PKD2L1: variants seen among roughly 807,000 people sequenced by gnomAD.
PKD2L1 encodes the protein polycystin 2 like 1, transient receptor potential cation channel, also known as polycystin-2-like protein 1.
PKD2L1 carries 77 observed loss-of-function variants against 93.0 expected under a neutral mutation model. That is an observed-to-expected ratio of 0.83 (90% CI 0.69 to 1.00). PKD2L1 has a LOEUF of 1.00. PKD2L1 is among the 50% of genes least tolerant of loss of function. PKD2L1 has a pLI of 0.00. For synonymous variants in PKD2L1, 390 were observed against 388.0 expected, an observed-to-expected ratio of 1.01 and a Z score of -0.06; for missense variants, 977 against 990.9, an observed-to-expected ratio of 0.99 and a Z score of 0.19.
chr10:100,316,274 G>A (rs1473831837), intron 2 of PKD2L1, among the ~76,000 whole-genome samples: 1 of 152,236 alleles, frequency 6.6e-6, no homozygotes, highest in Non-Finnish European at 1.5e-5. Context: ...CCAGGTTCAA[G>A]CAATTCTCCT....
At chr10:100,290,620 A>T in intron 12 of PKD2L1, 101 bp from the exon 13 acceptor site, 1 of 735,080 alleles carries the variant, frequency 1.4e-6, no homozygotes, top group Non-Finnish European at 2.3e-6. Flanking sequence ...ACCAAGGCTC[A>T]GGTCCTAGTT....
intron 2 of PKD2L1, among the ~76,000 whole-genome samples, chr10:100,300,622 T>C (rs7084075): frequency 0.59 from 89,152 of 152,022 alleles, 26,587 homozygotes; most frequent in African/African-American, 0.69. Context: ...GGGAGGGATA[T>C]CATAGAAGTG....
chr10:100,292,005 C>G (rs1271330505), intron 11 of PKD2L1, among the ~76,000 whole-genome samples: 2 of 151,852 alleles, frequency 1.3e-5, no homozygotes, highest in Non-Finnish European at 2.9e-5. Flanking sequence ...GTGCTTTCAT[C>G]TCTTCTTGGA....
In PKD2L1 at chr10:100,290,416, C is replaced by T. The variant is rs866152201; in HGVS notation, c.2111G>A (p.Gly704Glu). 8.1e-6 allele frequency: 13 copies of T among 1,611,640 alleles called. No individual in the cohort carries two copies. The highest frequency in any genetic ancestry group is 2.7e-5 in the African/African-American group (2 of 74,900). Residue 704 changes from glycine (G) to glutamate (E), a missense_variant, in exon 13 of 16, where the codon GGA becomes GAA. By Grantham distance (98) the Gly-to-Glu change is moderately conservative. Transcript: ENST00000318222. ...CTGCACGTACATGTAGAATTCTTCT[C>T]CTGAAACCCAGCCTCCTGCTCTGGC... is the stretch of plus-strand genomic sequence containing the variant. ...EAARAGGWVS[G>E]EEFYMLTRRV...
Position 100,296,135 on chromosome 10 carries a change from A to G in PKD2L1, c.1343T>C (p.Phe448Ser), listed in dbSNP as rs1211217227. The change falls in exon 7 of 16, where the codon TTC becomes TCC. Residue 448 changes from phenylalanine (F) to serine (S), a missense_variant. Transcript: ENST00000318222. ...YNNMNAVNLF[F>S]AWIKIFKYIS... ...AATCCCAGGTACCTTGATCCAGGCG[A>G]AGAAGAGGTTGACAGCATTCATGTT... The G allele has an allele frequency of 1.2e-6, 2 of 1,609,756 alleles. No individual in the cohort carries two copies. The highest frequency in any genetic ancestry group is 1.7e-6 in the Non-Finnish European group (2 of 1,178,196).
At chr10:100,290,188 G>A in intron 13 of PKD2L1, 50 bp from the exon 14 acceptor site, 2 of 1,609,502 alleles carry the variant, frequency 1.2e-6, no homozygotes, top group South Asian at 2.2e-5. Flanking sequence ...GTGTCTGGGG[G>A]CTGGATGTCT....
At chr10:100,325,988 C>T (rs1849371027) in intron 2 of PKD2L1, among the ~76,000 whole-genome samples, 1 of 152,156 alleles carries the variant, frequency 6.6e-6, no homozygotes, top group Non-Finnish European at 1.5e-5. Context: ...TTCAGAGCCT[C>T]ACTGCTTAAC....
intron 2 of PKD2L1, among the ~76,000 whole-genome samples, chr10:100,306,855 C>CAAAAAAAAAAAAA (rs61413476): frequency 0.026 from 1,289 of 49,690 alleles, 143 homozygotes; most frequent in Non-Finnish European, 0.031. Flanking sequence ...GAGACCCTGT[C>CAAAAAAAAAAAAA]AAAAAAAAAA....
chr10:100,293,801 C>A (rs1589660884), intron 9 of PKD2L1, among the ~76,000 whole-genome samples: 1 of 152,092 alleles, frequency 6.6e-6, no homozygotes, highest in Admixed American at 6.6e-5. Flanking sequence ...AATTGCTGGC[C>A]TTGTTAGTAA....
At chr10:100,316,963 C>T (rs1360252949) in intron 2 of PKD2L1, among the ~76,000 whole-genome samples, 1 of 152,128 alleles carries the variant, frequency 6.6e-6, no homozygotes, top group Admixed American at 6.5e-5. Flanking sequence ...TGGCACCTGC[C>T]TGTAGTCCCA....
chr10:100,298,940 T>TATC (rs1848616202), intron 3 of PKD2L1, 125 bp from the exon 4 acceptor site: 2 of 384,364 alleles, frequency 5.2e-6, no homozygotes, highest in Non-Finnish European at 7.6e-6. Flanking sequence ...AAATTATTGT[T>TATC]ATTATTATTA....
intron 2 of PKD2L1, among the ~76,000 whole-genome samples, chr10:100,312,159 C>T (rs1831089137): frequency 1.3e-5 from 2 of 152,192 alleles, no homozygotes; most frequent in South Asian, 4.1e-4. Context: ...GTTAGATCCT[C>T]AGGGTATACA....
chr10:100,304,734 G>A (rs1848759697), intron 2 of PKD2L1, among the ~76,000 whole-genome samples: 1 of 152,156 alleles, frequency 6.6e-6, no homozygotes, highest in Non-Finnish European at 1.5e-5. Flanking sequence ...GACCTCCGCT[G>A]TTAGCCTCCC....
At chr10:100,296,077 A>T (rs768433017) in intron 7 of PKD2L1, 45 bp downstream of exon 7, 1 of 1,487,714 alleles carries the variant, frequency 6.7e-7, no homozygotes, top group South Asian at 1.3e-5. Flanking sequence ...AGAAGGGAGA[A>T]TGAGTGCGCC....
chr10:100,294,791 G>GCA, intron 8 of PKD2L1, 136 bp from the exon 9 acceptor site: 1 of 1,372,332 alleles, frequency 7.3e-7, no homozygotes, highest in Non-Finnish European at 1.0e-6. Context: ...GATTATTTAA[G>GCA]CACACACACC....
At chr10:100,322,290 G>A in intron 2 of PKD2L1, among the ~76,000 whole-genome samples, 1 of 151,992 alleles carries the variant, frequency 6.6e-6, no homozygotes, top group Non-Finnish European at 1.5e-5. Flanking sequence ...ATTTTGGGAG[G>A]CCGAGGTGGG....
intron 2 of PKD2L1, among the ~76,000 whole-genome samples, chr10:100,322,971 A>G (rs957196424): frequency 1.3e-5 from 2 of 152,230 alleles, no homozygotes; most frequent in African/African-American, 2.4e-5. Flanking sequence ...GGCAGAACCA[A>G]TTTCATAGAG....
In PKD2L1 at chr10:100,321,761, AGGGAG is replaced by A. The variant is rs1564894577; in HGVS notation, c.349+7445_349+7449del. ...AAAGAAAGAAAGAAAGAAAGAAGGG[AGGGAG>A]GGAGGGAGGGAGGGAGGGAGGGAGG... On this transcript the variant is annotated intron_variant, in intron 2 of 15. Coordinates refer to ENST00000318222, the MANE Select transcript of PKD2L1 (RefSeq NM_016112.3). 7.5e-3 allele frequency among the ~76,000 whole-genome samples: 4 copies of A among 536 alleles called. 1 individual carries two copies. The highest frequency in any genetic ancestry group is 0.017 in the African/African-American group (2 of 118). The allele number at this position is 536 out of a possible 152,430, so 0.4% of individuals were successfully genotyped here.
intron 2 of PKD2L1, among the ~76,000 whole-genome samples, chr10:100,319,126 G>A (rs530927169): frequency 7.2e-5 from 11 of 152,304 alleles, no homozygotes; most frequent in African/African-American, 2.2e-4. Context: ...GATTACAGGC[G>A]TGAGCCACTA....
Sources: gnomAD v4.1 joint callset for allele counts (sites outside exome capture counted in the v4.1 genomes callset) on GRCh38, gnomAD v4.1.1 for gene constraint, MANE v1.5 for transcripts, NCBI Gene and HGNC (gene_info 2026-07-23, HGNC 2026-07-21) for gene names.